The following VPS13B variants were observed in gnomAD, a reference collection of about 807,000 sequenced individuals.
VPS13B encodes the protein vacuolar protein sorting 13 homolog B.
Under a neutral mutation model 426.4 loss-of-function variants are expected in VPS13B, and 285 were observed. The observed-to-expected ratio is 0.67, with a 90% CI of 0.61 to 0.74. The LOEUF (loss-of-function observed/expected upper bound fraction) is 0.74. Among genes scored for constraint, VPS13B ranks in the 30% least tolerant of loss-of-function variants. The probability of loss-of-function intolerance (pLI) is 0.00; values close to 1 mark genes in which losing one functional copy is unlikely to be tolerated. For synonymous variants in VPS13B, 1,676 were observed against 1,676.4 expected, an observed-to-expected ratio of 1.00 and a Z score of 0.01; for missense variants, 4,537 against 4,782.6, an observed-to-expected ratio of 0.95 and a Z score of 1.51.
intron 17 of VPS13B, among the ~76,000 whole-genome samples, chr8:99,196,444 G>A (rs1813931974): frequency 6.9e-6 from 1 of 144,428 alleles, no homozygotes; most frequent in Admixed American, 6.9e-5. Flanking sequence ...AGTTCTAAAA[G>A]TTTTTGGATG....
Position 99,436,705 on chromosome 8 carries a change from A to G in VPS13B, c.3210+5041A>G, listed in dbSNP as rs187170680. 6.3e-3 allele frequency among the ~76,000 whole-genome samples: 965 copies of G among 152,214 alleles called. 8 individuals are homozygous for G. Among genetic ancestry groups the G allele is most frequent in the African/African-American group, 0.022 (905 of 41,570 alleles). On this transcript the variant is annotated intron_variant, in intron 22 of 61. Transcript: ENST00000357162. The stretch of plus-strand genomic sequence containing the variant: ...ATTAGATTCTCATTAAATGATTACA[A>G]TTTAGACTGTGAAAATCTGAGTTTT...
chr8:99,787,118 G>A lies in VPS13B; in HGVS notation c.7941+2642G>A, dbSNP rs547647469. 1.8e-4 allele frequency among the ~76,000 whole-genome samples: 27 copies of A among 152,204 alleles called. No individual in the cohort carries two copies. In the South Asian group the frequency reaches 5.6e-3, roughly 32 times the overall value. ...GGTGTTAGTCAATTCATAGTCTCAG[G>A]GAGGATTTCTAAAGTTCACGGAACT... On this transcript the variant is annotated intron_variant, in intron 43 of 61. Transcript: ENST00000357162.
At chr8:99,456,835 T>G (rs1033998458) in intron 23 of VPS13B, among the ~76,000 whole-genome samples, 1 of 152,200 alleles carries the variant, frequency 6.6e-6, no homozygotes, top group Non-Finnish European at 1.5e-5. Flanking sequence ...TCTTTCATTC[T>G]GTCCTGTTTT....
chr8:99,602,193 G>A (rs1051207921), intron 33 of VPS13B, among the ~76,000 whole-genome samples: 5 of 152,046 alleles, frequency 3.3e-5, no homozygotes, highest in Non-Finnish European at 5.9e-5. Context: ...TAAGGAAGGG[G>A]TCCAGTTCAG....
chr8:99,062,007 C>T (rs1376195678), intron 3 of VPS13B, among the ~76,000 whole-genome samples: 1 of 152,196 alleles, frequency 6.6e-6, no homozygotes, highest in African/African-American at 2.4e-5. Context: ...TATGATGTTT[C>T]ACCTTAGTTG....
intron 35 of VPS13B, chr8:99,696,666 G>A: frequency 1.4e-6 from 1 of 736,244 alleles, no homozygotes; most frequent in East Asian, 2.7e-5. Flanking sequence ...CACCATCGAG[G>A]AGAGGACCTT....
intron 3 of VPS13B, among the ~76,000 whole-genome samples, chr8:99,054,076 C>G (rs770768425): frequency 6.6e-6 from 1 of 152,230 alleles, no homozygotes; most frequent in Non-Finnish European, 1.5e-5. Context: ...TATTCATTCA[C>G]CGATGGACAC....
chr8:99,463,327 C>T, intron 23 of VPS13B, among the ~76,000 whole-genome samples: 1 of 152,000 alleles, frequency 6.6e-6, no homozygotes, highest in African/African-American at 2.4e-5. Flanking sequence ...ACGATTAATC[C>T]AGTAGTGACT....
intron 2 of VPS13B, among the ~76,000 whole-genome samples, chr8:99,015,754 T>G (rs957990385): frequency 1.3e-5 from 2 of 151,824 alleles, no homozygotes; most frequent in African/African-American, 4.8e-5. Flanking sequence ...ATACAAAAAA[T>G]TAGCTGGGCT....
chr8:99,400,296 T>G (rs1482238892), intron 21 of VPS13B, among the ~76,000 whole-genome samples: 1 of 152,080 alleles, frequency 6.6e-6, no homozygotes, highest in East Asian at 1.9e-4. Flanking sequence ...AGAACCCCCA[T>G]CCCCACCCCA....
At chr8:99,694,960 C>T (rs1344829420) in intron 35 of VPS13B, among the ~76,000 whole-genome samples, 2 of 151,392 alleles carry the variant, frequency 1.3e-5, no homozygotes, top group African/African-American at 4.9e-5. Flanking sequence ...CTCATCATCA[C>T]TGGCCATCAG....
At chr8:99,589,707 T>A (rs142453705) in intron 33 of VPS13B, among the ~76,000 whole-genome samples, 1,534 of 151,736 alleles carry the variant, frequency 0.01, 29 homozygotes, top group African/African-American at 0.035. Context: ...TTATAATCCT[T>A]TGGGTATATA....
intron 35 of VPS13B, among the ~76,000 whole-genome samples, chr8:99,670,738 GTCTATT>G (rs1588609595): frequency 1.3e-5 from 2 of 152,116 alleles, no homozygotes; most frequent in African/African-American, 4.8e-5. Flanking sequence ...TGCAGTTTTT[GTCTATT>G]TCTGTTTGGT....
chr8:99,082,097 G>GT (rs1395893962), intron 3 of VPS13B, among the ~76,000 whole-genome samples: 2 of 152,068 alleles, frequency 1.3e-5, no homozygotes, highest in African/African-American at 4.8e-5. Context: ...AAGTGTTCCT[G>GT]TTTCTCCACA....
chr8:99,666,276 G>T lies in VPS13B; in HGVS notation c.6046+4785G>T, dbSNP rs565560796. Among the ~76,000 whole-genome samples the T allele has an allele frequency of 2.0e-5, 3 of 152,238 alleles. No individual in the cohort carries two copies. The East Asian group carries it at 5.8e-4, about 29-fold the overall frequency. On this transcript the variant is annotated intron_variant, in intron 35 of 61. Transcript: ENST00000357162. The stretch of plus-strand genomic sequence containing the variant: ...CCTTCTGAAACTATTCCAATCAGTA[G>T]AAAAACAGGGAATCCTCCGTAACTC...
chr8:99,321,365 C>A (rs751109774), intron 19 of VPS13B, among the ~76,000 whole-genome samples: 1 of 151,858 alleles, frequency 6.6e-6, no homozygotes, highest in East Asian at 1.9e-4. Flanking sequence ...GGCACCACCA[C>A]GCCCAGCTAA....
In VPS13B at chr8:99,875,861, A is replaced by T; in HGVS notation, c.*195A>T. The T allele has an allele frequency of 1.5e-6, 1 of 663,600 alleles. No individual in the cohort carries two copies. The highest frequency in any genetic ancestry group is 2.5e-6 in the Non-Finnish European group (1 of 395,686). The allele number at this position is 663,600 out of a possible 1,614,324, so 41.1% of individuals were successfully genotyped here. On this transcript the variant is annotated 3_prime_UTR_variant, in exon 62 of 62. Transcript: ENST00000357162. The stretch of plus-strand genomic sequence containing the variant: ...GCATTTTGCCACCATAAAGGGCTGC[A>T]TTTTTTTAAAAAGCCTAGGCAGCTC...
At chr8:99,538,094 A>G (rs1414926964) in intron 30 of VPS13B, among the ~76,000 whole-genome samples, 1 of 152,120 alleles carries the variant, frequency 6.6e-6, no homozygotes, top group Non-Finnish European at 1.5e-5. Context: ...TTTTTAAATC[A>G]GCATTTTCTT....
At chr8:99,474,703 C>T (rs1470715344) in intron 24 of VPS13B, among the ~76,000 whole-genome samples, 2 of 152,070 alleles carry the variant, frequency 1.3e-5, no homozygotes, top group African/African-American at 4.8e-5. Flanking sequence ...ATGATAGACT[C>T]AATATGTGGA....
Sources: gnomAD v4.1 joint callset for allele counts (sites outside exome capture counted in the v4.1 genomes callset) on GRCh38, gnomAD v4.1.1 for gene constraint, MANE v1.5 for transcripts, NCBI Gene and HGNC (gene_info 2026-07-23, HGNC 2026-07-21) for gene names.